Variants in THEMIS2 observed in about 807,000 individuals in gnomAD.
THEMIS2 encodes the protein thymocyte selection associated family member 2, also known as protein THEMIS2.
Under a neutral mutation model 46.8 loss-of-function variants are expected in THEMIS2, and 29 were observed. The observed-to-expected ratio is 0.62, with a 90% CI of 0.46 to 0.84. The LOEUF is 0.84. Ranked by LOEUF, THEMIS2 falls within the 40% of genes least tolerant of loss-of-function variation. The pLI is 0.00. For missense variants in THEMIS2, 698 were observed against 834.7 expected (o/e 0.84, Z 2.02); for synonymous variants, 335 against 349.1 (o/e 0.96, Z 0.45).
chr1:27,885,777 CTT>C (rs2089760313), intron 5 of THEMIS2, 88 bp from the exon 6 acceptor site: 1 of 1,327,282 alleles, frequency 7.5e-7, no homozygotes, highest in Admixed American at 1.8e-5. Flanking sequence ...CAGGCCACCT[CTT>C]TCCCTGCACA....
Position 27,882,274 on chromosome 1 carries a change from CAG to C in THEMIS2, c.951_952del (p.Gly319LeufsTer17), listed in dbSNP as rs776854940. ...AAGGTGCCCAGGCACTTCCTGGTGT[CAG>C]GGGGCTACCAAGGCAAGCTGCGGCG... On this transcript the variant is annotated frameshift_variant, in exon 4 of 6. Coordinates refer to ENST00000373921, the MANE Select transcript of THEMIS2 (RefSeq NM_001105556.3). LOFTEE classifies it high-confidence loss of function. This position sits in a 1 kb window ranked among gnomAD's most constrained non-coding sequence, Gnocchi z 7.6. The C allele has an allele frequency of 3.1e-6, 5 of 1,607,232 alleles. No individual in the cohort carries two copies. Among genetic ancestry groups the C allele is most frequent in the Non-Finnish European group, 4.3e-6 (5 of 1,175,922 alleles).
chr1:27,872,600 T>G lies in THEMIS2; in HGVS notation c.29T>G (p.Val10Gly). Residue 10 changes from valine (V) to glycine (G), a missense_variant, in exon 1 of 6, where the codon GTG becomes GGG. Coordinates refer to ENST00000373921, the MANE Select transcript of THEMIS2 (RefSeq NM_001105556.3). This position sits in a 1 kb window ranked among gnomAD's most constrained non-coding sequence, Gnocchi z 4.9. Reference sequence around the variant, plus strand: ...GAGCCGGTGCCGCTGCAGGACTTCGTGCGCGCCTTGGACCCCGCCTCCCTC... The same window carrying G: ...GAGCCGGTGCCGCTGCAGGACTTCGGGCGCGCCTTGGACCCCGCCTCCCTC... MEPVPLQDF[V>G]RALDPASLPR... is the part of the protein sequence containing the mutation. The G allele has an allele frequency of 6.7e-7, 1 of 1,488,748 alleles. No homozygotes were observed. The highest frequency in any genetic ancestry group is 1.4e-5 in the African/African-American group (1 of 69,256). 92.2% of individuals were successfully genotyped at this position (1,488,748 alleles called of 1,614,324 possible).
rs910718448 is a variant in THEMIS2, at chr1:27,872,930, A to G, written c.94+265A>G. Among the ~76,000 whole-genome samples the G allele has an allele frequency of 2.6e-5, 4 of 151,696 alleles. No individual in the cohort carries two copies. Among genetic ancestry groups the G allele is most frequent in the Non-Finnish European group, 5.9e-5 (4 of 67,924 alleles). On this transcript the variant is annotated intron_variant, in intron 1 of 5. Coordinates refer to ENST00000373921, the MANE Select transcript of THEMIS2 (RefSeq NM_001105556.3). This position sits in a 1 kb window ranked among gnomAD's most constrained non-coding sequence, Gnocchi z 4.9. The stretch of plus-strand genomic sequence containing the variant: ...CGCGGGAGGTGGATGCAGCCGGGCC[A>G]CTCCTAGGTGGCCCCGCGGTGCGCA...
chr1:27,875,764 G>A (rs1447245236), intron 1 of THEMIS2, among the ~76,000 whole-genome samples: 1 of 151,912 alleles, frequency 6.6e-6, no homozygotes, highest in Non-Finnish European at 1.5e-5. Flanking sequence ...GAAGTGGCGT[G>A]ATCTCGGCTC....
rs113331982 is a variant in THEMIS2, at chr1:27,882,413, C to G, written c.1089C>G (p.Pro363=). The change falls in exon 4 of 6, where the codon CCC becomes CCG. Residue 363 remains proline, a synonymous_variant. Transcript: ENST00000373921. This position sits in a 1 kb window ranked among gnomAD's most constrained non-coding sequence, Gnocchi z 7.6. The stretch of plus-strand genomic sequence containing the variant: ...GTGAGGGCGAGAGGGAGGAGAATCC[C>G]GAGTTCACGTCCCTGGCTGTGGGTG... ...KDCEGEREEN[P]EFTSLAVGDR... is the part of the protein sequence containing the mutation. The G allele has an allele frequency of 1.9e-6, 3 of 1,610,954 alleles. No individual in the cohort carries two copies. The highest frequency in any genetic ancestry group is 1.3e-5 in the African/African-American group (1 of 75,002).
chr1:27,875,464 G>A (rs2089559012), intron 1 of THEMIS2, among the ~76,000 whole-genome samples: 1 of 152,194 alleles, frequency 6.6e-6, no homozygotes, highest in Admixed American at 6.5e-5. Flanking sequence ...TTTATGACTG[G>A]TGGGCATTTT....
chr1:27,878,884 G>C (rs2089631132), intron 2 of THEMIS2, among the ~76,000 whole-genome samples: 1 of 152,098 alleles, frequency 6.6e-6, no homozygotes, highest in African/African-American at 2.4e-5. Flanking sequence ...CAGTTGTCCT[G>C]TTTCTTCATT....
At chr1:27,884,978 T>G (rs1571593665) in intron 4 of THEMIS2, 1 of 243,940 alleles carries the variant, frequency 4.1e-6, no homozygotes, top group Non-Finnish European at 8.2e-6. Context: ...TTTCTTACGG[T>G]ATCCCCACTT....
chr1:27,881,234 A>C (rs2148639721), intron 3 of THEMIS2, among the ~76,000 whole-genome samples: 1 of 150,956 alleles, frequency 6.6e-6, no homozygotes, highest in African/African-American at 2.4e-5. Flanking sequence ...GTGGATCACG[A>C]GGTCAGGAGA....
In THEMIS2 at chr1:27,882,573, C is replaced by T. The variant is rs1220279521; in HGVS notation, c.1249C>T (p.Pro417Ser). ...AGAGTGCAAAGAGGAGGCAGAGAGC[C>T]CAGAGCGGGTCCTGCTGCCCTTCCA... ...EEECKEEAES[P>S]ERVLLPFHFP... Residue 417 changes from proline (P) to serine (S), a missense_variant, in exon 4 of 6, where the codon CCA (proline) becomes TCA (serine). Coordinates refer to ENST00000373921, the MANE Select transcript of THEMIS2 (RefSeq NM_001105556.3). The surrounding 1 kb of genome is among the most constrained non-coding windows in gnomAD (Gnocchi z 7.6). 1 of 1,614,032 alleles carries T rather than the reference C, an allele frequency of 6.2e-7. No individual in the cohort carries two copies. Among genetic ancestry groups the T allele is most frequent in the African/African-American group, 1.3e-5 (1 of 74,904 alleles).
rs959977669 is a variant in THEMIS2, at chr1:27,885,158, G to C, written c.1720-137G>C. The C allele has an allele frequency of 7.0e-6, 6 of 852,770 alleles. No individual in the cohort carries two copies. The African/African-American group carries it at 1.0e-4, about 15-fold the overall frequency. 52.8% of individuals were successfully genotyped at this position (852,770 alleles called of 1,614,324 possible). On this transcript the variant is annotated intron_variant, in intron 4 of 5. Transcript: ENST00000373921. ...CATGCATGTAGCAAAAACACCAGGG[G>C]TCTTGAGAGGTCATAGCCTGAAAAG...
chr1:27,881,193 G>C (rs896378462), intron 3 of THEMIS2, among the ~76,000 whole-genome samples: 1 of 151,846 alleles, frequency 6.6e-6, no homozygotes, highest in African/African-American at 2.4e-5. Flanking sequence ...GCTCACGCCT[G>C]TAATCCTAGA....
intron 2 of THEMIS2, among the ~76,000 whole-genome samples, chr1:27,878,250 G>A (rs555612146): frequency 3.4e-4 from 52 of 151,764 alleles, no homozygotes; most frequent in Admixed American, 3.2e-3. Flanking sequence ...GGCAAGTTGT[G>A]TGGGGAGCCG....
intron 3 of THEMIS2, 115 bp from the exon 4 acceptor site, chr1:27,881,852 AAAAG>A (rs1388393066): frequency 2.8e-5 from 21 of 757,246 alleles, no homozygotes; most frequent in East Asian, 8.2e-5. Flanking sequence ...CAAAAAAAAA[AAAAG>A]AAAGAAAAGA....
At chr1:27,878,650 T>C (rs1043013005) in intron 2 of THEMIS2, among the ~76,000 whole-genome samples, 3 of 151,816 alleles carry the variant, frequency 2.0e-5, no homozygotes, top group Non-Finnish European at 1.5e-5. Flanking sequence ...GCAGACATGT[T>C]CCCTTTTACA....
chr1:27,885,074 C>T (rs191011641), intron 4 of THEMIS2: 2 of 495,218 alleles, frequency 4.0e-6, no homozygotes, highest in Admixed American at 7.0e-5. Flanking sequence ...GTCTCCAACC[C>T]CCAACCCTAT....
At chr1:27,875,701 A>G (rs2089562709) in intron 1 of THEMIS2, among the ~76,000 whole-genome samples, 1 of 151,428 alleles carries the variant, frequency 6.6e-6, no homozygotes, top group Admixed American at 6.6e-5. Context: ...ATTTATTTTT[A>G]TTTATTATTT....
chr1:27,883,979 C>T (rs1299058333), intron 4 of THEMIS2: 2 of 152,244 alleles, frequency 1.3e-5, no homozygotes, highest in African/African-American at 4.8e-5. Context: ...ACTAAGTTTA[C>T]GTTCCGGTTC....
chr1:27,879,735 T>G lies in THEMIS2; in HGVS notation c.327T>G (p.Thr109=). ...CTCAGAGCTCCAAGCAGCTGCCCAC[T>G]TGCTTCATGTCGACCCACAGGATTG... The part of the protein sequence containing the change: ...ATTQSSKQLP[T]CFMSTHRIVT... Residue 109 remains threonine, a synonymous_variant, in exon 3 of 6, where the codon ACT becomes ACG. Coordinates refer to ENST00000373921, the MANE Select transcript of THEMIS2 (RefSeq NM_001105556.3). The G allele has an allele frequency of 6.2e-7, 1 of 1,613,890 alleles. No homozygotes were observed. Among genetic ancestry groups the G allele is most frequent in the South Asian group, 1.1e-5 (1 of 91,078 alleles).
Sources: allele counts gnomAD v4.1 joint callset (sites outside exome capture counted in the v4.1 genomes callset), GRCh38; gene constraint gnomAD v4.1.1; non-coding constraint Gnocchi (gnomAD v3.1); transcripts MANE v1.5; gene names NCBI Gene and HGNC (gene_info 2026-07-23, HGNC 2026-07-21).